PRR16: variants seen among roughly 807,000 people sequenced by gnomAD.
PRR16 encodes protein Largen.
PRR16 carries 6 observed loss-of-function variants against 18.2 expected under a neutral mutation model. The ratio of observed to expected loss-of-function variants is 0.33; its 90% confidence interval spans 0.18 to 0.65. The LOEUF is 0.65. Ranked by LOEUF, PRR16 falls within the 30% of genes least tolerant of loss-of-function variation. PRR16 has a pLI of 0.74. For synonymous variants in PRR16, 151 were observed against 147.8 expected (o/e 1.02, Z -0.16); for missense variants, 412 against 376.6 (o/e 1.09, Z -0.78).
At chr5:120,702,949 C>A in the PRR16 span, among the ~76,000 whole-genome samples, 7 of 152,278 alleles carry the variant, frequency 4.6e-5, no homozygotes, top group East Asian at 1.4e-3. Flanking sequence ...ATCCGAGTCA[C>A]GGCACTAAAT....
chr5:120,494,803 T>C (rs146929798), intron 1 of PRR16, among the ~76,000 whole-genome samples: 207 of 152,220 alleles, frequency 1.4e-3, no homozygotes, highest in Middle Eastern at 6.8e-3. Flanking sequence ...GTCGTTTTGC[T>C]TAAGGATGTC....
At chr5:120,742,318 G>A in the PRR16 span, among the ~76,000 whole-genome samples, 1 of 140,540 alleles carries the variant, frequency 7.1e-6, no homozygotes, top group Admixed American at 7.4e-5. Context: ...TAGTTTAGAT[G>A]TCTGTGTATG....
At chr5:120,758,974 CT>C in the PRR16 span, among the ~76,000 whole-genome samples, 472 of 110,344 alleles carry the variant, frequency 4.3e-3, no homozygotes, top group African/African-American at 0.015. Flanking sequence ...ACCATAATTT[CT>C]TTTTTTTTTT....
At chr5:120,658,106 A>T (rs940516701) in intron 1 of PRR16, 1 of 151,870 alleles carries the variant, frequency 6.6e-6, no homozygotes, top group East Asian at 1.9e-4. Flanking sequence ...ATGAAATATT[A>T]GTAGATTTAA....
intron 1 of PRR16, among the ~76,000 whole-genome samples, chr5:120,647,310 C>G (rs1276775417): frequency 6.6e-6 from 1 of 151,818 alleles, no homozygotes; most frequent in African/African-American, 2.4e-5. Flanking sequence ...ATTATGATGT[C>G]TTCCAATCTT....
At chr5:120,790,671 G>T in the PRR16 span, 1 of 152,114 alleles carries the variant, frequency 6.6e-6, no homozygotes, top group Non-Finnish European at 1.5e-5. Context: ...AGTTCTTACT[G>T]ATTACTTCTC....
chr5:120,703,214 G>A, the PRR16 span, among the ~76,000 whole-genome samples: 2 of 152,124 alleles, frequency 1.3e-5, no homozygotes, highest in African/African-American at 2.4e-5. Flanking sequence ...GCCAGGAAAA[G>A]GATTTTCACA....
At chr5:120,491,057 G>A (rs183405173) in intron 1 of PRR16, among the ~76,000 whole-genome samples, 246 of 152,278 alleles carry the variant, frequency 1.6e-3, no homozygotes, top group Middle Eastern at 3.4e-3. Context: ...GTATCAGTCT[G>A]CCCCTACTGG....
At chr5:120,573,035 A>AT (rs903904302) in intron 1 of PRR16, among the ~76,000 whole-genome samples, 3 of 152,078 alleles carry the variant, frequency 2.0e-5, no homozygotes, top group Non-Finnish European at 4.4e-5. Context: ...TCCATAATGC[A>AT]TTTTTTTAGT....
At chr5:120,577,046 A>G (rs1170103775) in intron 1 of PRR16, among the ~76,000 whole-genome samples, 4 of 152,254 alleles carry the variant, frequency 2.6e-5, no homozygotes, top group Middle Eastern at 3.4e-3. Context: ...TCGTTTTCCA[A>G]CGCTGAAAGA....
chr5:120,688,102 A>T (rs1045439801), downstream of PRR16, among the ~76,000 whole-genome samples: 1 of 152,204 alleles, frequency 6.6e-6, no homozygotes, highest in African/African-American at 2.4e-5. Context: ...TCAAAACTGT[A>T]ATCTTTGCAC....
At chr5:120,586,304 A>G (rs546281153) in intron 1 of PRR16, among the ~76,000 whole-genome samples, 1 of 152,340 alleles carries the variant, frequency 6.6e-6, no homozygotes, top group South Asian at 2.1e-4. Context: ...AATTTACCAA[A>G]CTACTTAGAG....
chr5:120,758,808 T>G, the PRR16 span, among the ~76,000 whole-genome samples: 1 of 152,130 alleles, frequency 6.6e-6, no homozygotes, highest in Non-Finnish European at 1.5e-5. Flanking sequence ...TTTATAGTAC[T>G]ATGAAAACAA....
At chr5:120,725,214 G>A in the PRR16 span, among the ~76,000 whole-genome samples, 3 of 151,468 alleles carry the variant, frequency 2.0e-5, no homozygotes, top group African/African-American at 7.3e-5. Flanking sequence ...GTAGATAAGA[G>A]TTATATCATG....
At chr5:120,525,952 C>T (rs902051710) in intron 1 of PRR16, among the ~76,000 whole-genome samples, 1 of 152,120 alleles carries the variant, frequency 6.6e-6, no homozygotes, top group Non-Finnish European at 1.5e-5. Flanking sequence ...AGGTGTTTCC[C>T]CATGCAATAA....
At chr5:120,480,684 AAC>A (rs1749582786) in intron 1 of PRR16, among the ~76,000 whole-genome samples, 1 of 152,202 alleles carries the variant, frequency 6.6e-6, no homozygotes, top group African/African-American at 2.4e-5. Context: ...TTAATGAAAA[AAC>A]ACTGGCAACT....
chr5:120,692,435 T>C, the PRR16 span, among the ~76,000 whole-genome samples: 1 of 152,132 alleles, frequency 6.6e-6, no homozygotes, highest in South Asian at 2.1e-4. Context: ...CATCACAACA[T>C]AGAAAGGGGC....
At chr5:120,505,915 G>A (rs1750627845) in intron 1 of PRR16, among the ~76,000 whole-genome samples, 1 of 144,322 alleles carries the variant, frequency 6.9e-6, no homozygotes, top group Admixed American at 7.0e-5. Context: ...ACATACATAG[G>A]GATGATATAT....
chr5:120,657,759 G>A (rs1756032689), intron 1 of PRR16, among the ~76,000 whole-genome samples: 1 of 151,918 alleles, frequency 6.6e-6, no homozygotes, highest in African/African-American at 2.4e-5. Context: ...AAGAAGTGAG[G>A]ATGTGACAAC....
Sources: gnomAD v4.1 joint callset for allele counts (sites outside exome capture counted in the v4.1 genomes callset) on GRCh38, gnomAD v4.1.1 for gene constraint, MANE v1.5 for transcripts, NCBI Gene and HGNC (gene_info 2026-07-23, HGNC 2026-07-21) for gene names.